The following ZNF362 variants were observed in gnomAD, a reference collection of about 807,000 sequenced individuals.
ZNF362 encodes the protein rotund homolog.
ZNF362 carries 11 observed loss-of-function variants against 42.9 expected under a neutral mutation model. The ratio of observed to expected loss-of-function variants is 0.26; its 90% CI spans 0.16 to 0.42. The LOEUF is 0.42. Ranked by LOEUF, ZNF362 falls within the 20% of genes least tolerant of loss-of-function variation. The pLI, the probability that ZNF362 is intolerant of heterozygous loss-of-function variation, is 1.00. For synonymous variants in ZNF362, 255 were observed against 257.3 expected (o/e 0.99, Z 0.09); for missense variants, 362 against 576.2 (o/e 0.63, Z 3.81).
the ZNF362 span, among the ~76,000 whole-genome samples, chr1:33,205,462 G>A: frequency 6.6e-6 from 1 of 151,598 alleles, no homozygotes; most frequent in East Asian, 1.9e-4. Context: ...TTCAGCCTGG[G>A]CAACAAATAA....
chr1:33,189,650 T>TATATATATATATAC, the ZNF362 span, among the ~76,000 whole-genome samples: 1 of 20,746 alleles, frequency 4.8e-5, no homozygotes. Flanking sequence ...TATATATATA[T>TATATATATATATAC]ATATATATAT....
chr1:33,233,801 C>T, the ZNF362 span, among the ~76,000 whole-genome samples: 2 of 152,130 alleles, frequency 1.3e-5, no homozygotes, highest in Non-Finnish European at 2.9e-5. Flanking sequence ...TGCCGTGGTC[C>T]AGAGAGTGAA....
the ZNF362 span, among the ~76,000 whole-genome samples, chr1:33,226,139 G>A: frequency 6.6e-6 from 1 of 152,146 alleles, no homozygotes; most frequent in African/African-American, 2.4e-5. Flanking sequence ...TGTTGGGATG[G>A]CAACATGTAG....
chr1:33,193,679 T>A, the ZNF362 span, among the ~76,000 whole-genome samples: 1 of 152,074 alleles, frequency 6.6e-6, no homozygotes, highest in Admixed American at 6.6e-5. Context: ...GGGACGCAAA[T>A]GTGATAAAGT....
At chr1:33,153,225 G>T in the ZNF362 span, among the ~76,000 whole-genome samples, 1 of 152,182 alleles carries the variant, frequency 6.6e-6, no homozygotes, top group Admixed American at 6.5e-5. Flanking sequence ...TTTGGTGCTG[G>T]CAGAGGAGCC....
intron 2 of ZNF362, 89 bp from the exon 3 acceptor site, chr1:33,276,011 C>T: frequency 2.8e-6 from 4 of 1,452,046 alleles, no homozygotes; most frequent in East Asian, 2.3e-5. Flanking sequence ...CAGACACTGG[C>T]CCTGACTTGA....
chr1:33,290,122 TC>T (rs1185013091), intron 6 of ZNF362, among the ~76,000 whole-genome samples: 3 of 152,104 alleles, frequency 2.0e-5, no homozygotes, highest in African/African-American at 7.2e-5. Flanking sequence ...TACTTAAAGT[TC>T]TAGGGGACAT....
At chr1:33,211,979 A>T in the ZNF362 span, among the ~76,000 whole-genome samples, 1 of 152,184 alleles carries the variant, frequency 6.6e-6, no homozygotes, top group East Asian at 1.9e-4. Context: ...CTCACATTCA[A>T]TTGTAATCCC....
At chr1:33,167,715 C>T in the ZNF362 span, among the ~76,000 whole-genome samples, 2 of 152,238 alleles carry the variant, frequency 1.3e-5, no homozygotes. This position sits in a 1 kb window ranked among gnomAD's most constrained non-coding sequence, Gnocchi z 4.2. Flanking sequence ...ATCCACCTCC[C>T]TCCCACTCAT....
At chr1:33,136,424 A>C in the ZNF362 span, among the ~76,000 whole-genome samples, 19 of 149,208 alleles carry the variant, frequency 1.3e-4, no homozygotes, top group Admixed American at 8.1e-4. Context: ...GCTGGAGTGC[A>C]GTGGCACAAT....
the ZNF362 span, among the ~76,000 whole-genome samples, chr1:33,238,780 C>T: frequency 1.3e-5 from 2 of 151,950 alleles, no homozygotes; most frequent in Non-Finnish European, 2.9e-5. Flanking sequence ...AGAGACACCC[C>T]CCTGAGCGTT....
chr1:33,252,469 A>T (rs187566028), upstream of ZNF362, among the ~76,000 whole-genome samples: 4 of 152,344 alleles, frequency 2.6e-5, no homozygotes, highest in Admixed American at 2.6e-4. Flanking sequence ...TCCAAAATGG[A>T]AGGGACTCCT....
the ZNF362 span, among the ~76,000 whole-genome samples, chr1:33,158,805 C>T: frequency 6.6e-6 from 1 of 152,004 alleles, no homozygotes; most frequent in Non-Finnish European, 1.5e-5. Flanking sequence ...CCTTGGCCAA[C>T]TGATGTAGCT....
At chr1:33,268,317 C>T (rs951803798) in intron 1 of ZNF362, among the ~76,000 whole-genome samples, 21 of 152,198 alleles carry the variant, frequency 1.4e-4, no homozygotes, top group African/African-American at 5.1e-4. Context: ...TCCTTCCATC[C>T]AGGCCACAGC....
chr1:33,229,429 C>T, the ZNF362 span, among the ~76,000 whole-genome samples: 4 of 142,762 alleles, frequency 2.8e-5, no homozygotes, highest in African/African-American at 5.2e-5. Flanking sequence ...TTTTGTGAGA[C>T]GGAGTCTTGC....
the ZNF362 span, among the ~76,000 whole-genome samples, chr1:33,207,410 T>C: frequency 6.6e-6 from 1 of 152,226 alleles, no homozygotes; most frequent in African/African-American, 2.4e-5. Flanking sequence ...GCAATAAACA[T>C]ACCTGTGCAT....
At chr1:33,285,304 C>T (rs1289955974) in intron 6 of ZNF362, among the ~76,000 whole-genome samples, 1 of 152,086 alleles carries the variant, frequency 6.6e-6, no homozygotes, top group Non-Finnish European at 1.5e-5. Context: ...GTCCCATCTA[C>T]TCGGGAGGCT....
At chr1:33,232,988 A>G in the ZNF362 span, among the ~76,000 whole-genome samples, 1 of 152,244 alleles carries the variant, frequency 6.6e-6, no homozygotes, top group Non-Finnish European at 1.5e-5. Flanking sequence ...AGTTTCTCTT[A>G]GTCCCAATTT....
the ZNF362 span, chr1:33,181,516 G>A: frequency 1.4e-6 from 2 of 1,461,972 alleles, no homozygotes; most frequent in Non-Finnish European, 1.8e-6. This position sits in a 1 kb window ranked among gnomAD's most constrained non-coding sequence, Gnocchi z 6.5. Flanking sequence ...AGCACCGAGG[G>A]CTGGGCGCGG....
Sources: gnomAD v4.1 joint callset for allele counts (sites outside exome capture counted in the v4.1 genomes callset) on GRCh38, gnomAD v4.1.1 for gene constraint, Gnocchi (gnomAD v3.1) non-coding constraint, MANE v1.5 for transcripts, NCBI Gene and HGNC (gene_info 2026-07-23, HGNC 2026-07-21) for gene names.